Variants in DSCAM observed in about 807,000 individuals in gnomAD.
DSCAM encodes the protein DS cell adhesion molecule, also known as cell adhesion molecule DSCAM.
In DSCAM, 47 loss-of-function variants were observed where a neutral mutation model predicts 217.7. The ratio of observed to expected loss-of-function variants is 0.22; its 90% CI spans 0.17 to 0.28. The LOEUF (loss-of-function observed/expected upper bound fraction) is 0.28, where lower values mean the gene tolerates loss of function less well. DSCAM is among the 10% of genes least tolerant of loss of function. The probability of loss-of-function intolerance (pLI) is 1.00; values close to 1 mark genes in which losing one functional copy is unlikely to be tolerated. For synonymous variants in DSCAM, 1,056 were observed against 1,015.3 expected, an observed-to-expected ratio of 1.04 and a Z score of -0.76; for missense variants, 2,080 against 2,618.3, an observed-to-expected ratio of 0.79 and a Z score of 4.49.
chr21:40,224,275 T>C (rs568682560), intron 11 of DSCAM, among the ~76,000 whole-genome samples: 10 of 152,330 alleles, frequency 6.6e-5, no homozygotes, highest in African/African-American at 2.2e-4. Context: ...TCTGGTTAAA[T>C]TGCAAATGAG....
At chr21:40,758,073 C>G (rs2091293738) in intron 1 of DSCAM, among the ~76,000 whole-genome samples, 1 of 152,164 alleles carries the variant, frequency 6.6e-6, no homozygotes, top group South Asian at 2.1e-4. Context: ...GAGGCAGACA[C>G]AGACCCACAG....
chr21:40,137,878 T>C (rs566774985), intron 18 of DSCAM, among the ~76,000 whole-genome samples: 5 of 152,302 alleles, frequency 3.3e-5, no homozygotes, highest in African/African-American at 7.2e-5. Context: ...TGGCACCTAA[T>C]TGTTGCTTCC....
intron 3 of DSCAM, among the ~76,000 whole-genome samples, chr21:40,444,074 C>T (rs565433136): frequency 8.5e-5 from 13 of 152,156 alleles, no homozygotes; most frequent in Admixed American, 2.6e-4. Context: ...TTTTCTTTCC[C>T]TCCTTGTCTT....
At chr21:40,282,846 T>C (rs2073781207) in intron 10 of DSCAM, among the ~76,000 whole-genome samples, 1 of 152,138 alleles carries the variant, frequency 6.6e-6, no homozygotes, top group Non-Finnish European at 1.5e-5. Context: ...TCGTCTCAAT[T>C]AAATAGCAGA....
At chr21:40,789,023 G>A (rs1223091320) in intron 1 of DSCAM, among the ~76,000 whole-genome samples, 1 of 152,000 alleles carries the variant, frequency 6.6e-6, no homozygotes, top group South Asian at 2.1e-4. Flanking sequence ...ATTGCCTGGC[G>A]CATAGTCGGT....
intron 3 of DSCAM, among the ~76,000 whole-genome samples, chr21:40,675,014 AAC>A (rs375640720): frequency 4.6e-5 from 6 of 129,040 alleles, no homozygotes; most frequent in African/African-American, 7.6e-5. Context: ...TCATTATATA[AAC>A]ACACACACAC....
At chr21:40,588,077 T>G (rs1241788562) in intron 3 of DSCAM, among the ~76,000 whole-genome samples, 1 of 152,190 alleles carries the variant, frequency 6.6e-6, no homozygotes, top group Non-Finnish European at 1.5e-5. Context: ...AAACTGCAGA[T>G]GCCTTCAGCT....
At chr21:40,442,690 T>G (rs1181961852) in intron 3 of DSCAM, among the ~76,000 whole-genome samples, 1 of 152,036 alleles carries the variant, frequency 6.6e-6, no homozygotes, top group Admixed American at 6.6e-5. Flanking sequence ...TTTTGTATTT[T>G]CAGTAAAGAC....
chr21:40,044,565 T>C (rs571821726), intron 30 of DSCAM, among the ~76,000 whole-genome samples: 1 of 152,272 alleles, frequency 6.6e-6, no homozygotes, highest in East Asian at 1.9e-4. Flanking sequence ...GTTATGACCC[T>C]TCTAACATTA....
chr21:40,055,681 C>T, intron 29 of DSCAM, 44 bp downstream of exon 29: 2 of 1,480,656 alleles, frequency 1.4e-6, no homozygotes, highest in Non-Finnish European at 1.9e-6. Flanking sequence ...GAAGGCATGG[C>T]TGTGGCAGCC....
At chr21:40,095,209 C>T (rs2089661270) in intron 20 of DSCAM, among the ~76,000 whole-genome samples, 1 of 152,144 alleles carries the variant, frequency 6.6e-6, no homozygotes, top group African/African-American at 2.4e-5. Context: ...GACTTATTCA[C>T]TACGAGGAGA....
At chr21:40,496,954 C>T (rs1367864657) in intron 3 of DSCAM, among the ~76,000 whole-genome samples, 1 of 152,138 alleles carries the variant, frequency 6.6e-6, no homozygotes, top group Non-Finnish European at 1.5e-5. Context: ...TCACCTCACA[C>T]TTATCAGATG....
chr21:40,597,500 C>CTTTTTTTTTTTT lies in DSCAM; in HGVS notation c.508+95298_508+95309dup, dbSNP rs10530311. 2.6e-5 allele frequency among the ~76,000 whole-genome samples: 2 copies of CTTTTTTTTTTTT among 75,854 alleles called. 1 individual carries two copies. The allele number at this position is 75,854 out of a possible 152,430, so 49.8% of individuals were successfully genotyped here. A position where few individuals can be genotyped will look rare whatever the true frequency, so the allele number is the denominator to read the frequency against. ...AACCTATCTTTTTTACAGTAATAGG[C>CTTTTTTTTTTTT]TTTTTTTTTTTTTTTTTTTTTTTGG... On this transcript the variant is annotated intron_variant, in intron 3 of 32. Coordinates refer to ENST00000400454, the MANE Select transcript of DSCAM (RefSeq NM_001389.5).
At chr21:40,654,121 GA>G (rs775076195) in intron 3 of DSCAM, among the ~76,000 whole-genome samples, 4 of 151,748 alleles carry the variant, frequency 2.6e-5, no homozygotes, top group Non-Finnish European at 5.9e-5. Context: ...AAGAAAAAAA[GA>G]AAAACCTCAC....
chr21:40,439,340 A>C (rs2075610997), intron 3 of DSCAM, among the ~76,000 whole-genome samples: 1 of 152,236 alleles, frequency 6.6e-6, no homozygotes, highest in Non-Finnish European at 1.5e-5. Flanking sequence ...ATTCCAGTGC[A>C]GATCAGGCCT....
chr21:40,464,846 TTC>T (rs2145955663), intron 3 of DSCAM, among the ~76,000 whole-genome samples: 1 of 151,824 alleles, frequency 6.6e-6, no homozygotes, highest in East Asian at 2.0e-4. Flanking sequence ...ATCCATGCAA[TTC>T]TCTGTCCTCA....
At chr21:40,072,000 A>G (rs904719000) in intron 27 of DSCAM, among the ~76,000 whole-genome samples, 1 of 151,954 alleles carries the variant, frequency 6.6e-6, no homozygotes, top group African/African-American at 2.4e-5. Flanking sequence ...TACCACCCTC[A>G]CCTCTGGCGC....
intron 3 of DSCAM, among the ~76,000 whole-genome samples, chr21:40,692,376 C>A (rs1030593093): frequency 6.6e-6 from 1 of 152,142 alleles, no homozygotes; most frequent in Admixed American, 6.5e-5. Context: ...GTCAGAGATA[C>A]AACATAACTC....
intron 3 of DSCAM, among the ~76,000 whole-genome samples, chr21:40,425,130 T>C (rs976353327): frequency 2.0e-5 from 3 of 152,198 alleles, no homozygotes; most frequent in South Asian, 2.1e-4. Flanking sequence ...AGAAGTTTAA[T>C]CTCTTACAGT....
Sources: gnomAD v4.1 joint callset for allele counts (sites outside exome capture counted in the v4.1 genomes callset) on GRCh38, gnomAD v4.1.1 for gene constraint, MANE v1.5 for transcripts, NCBI Gene and HGNC (gene_info 2026-07-23, HGNC 2026-07-21) for gene names.